The following PPIL6 variants were observed in gnomAD, a reference collection of about 807,000 sequenced individuals.
PPIL6 encodes peptidylprolyl isomerase like 6, also known as probable inactive peptidyl-prolyl cis-trans isomerase-like 6.
In PPIL6, 39 loss-of-function variants were observed where a neutral mutation model predicts 36.8. The ratio of observed to expected loss-of-function variants is 1.06; its 90% confidence interval spans 0.82 to 1.38. The LOEUF (loss-of-function observed/expected upper bound fraction) is 1.38. Ranked by LOEUF, PPIL6 falls within the 40% of genes most tolerant of loss-of-function variation. The pLI, the probability that PPIL6 is intolerant of heterozygous loss-of-function variation, is 0.00. For synonymous variants in PPIL6, 123 were observed against 134.1 expected (o/e 0.92, Z 0.57); for missense variants, 368 against 379.1 (o/e 0.97, Z 0.24).
chr6:109,428,659 T>C (rs1473595529), intron 3 of PPIL6, among the ~76,000 whole-genome samples: 1 of 152,126 alleles, frequency 6.6e-6, no homozygotes, highest in African/African-American at 2.4e-5. Context: ...ATATTTTTTA[T>C]GTCACTCTAA....
chr6:109,436,283 C>T, intron 1 of PPIL6, 84 bp from the exon 2 acceptor site: 1 of 822,922 alleles, frequency 1.2e-6, no homozygotes, highest in Middle Eastern at 3.2e-4. Context: ...ACGGGGTTTC[C>T]AGAAGTTTTA....
chr6:109,393,111 C>A (rs1772157152), intron 7 of PPIL6, among the ~76,000 whole-genome samples, 174 bp from the exon 8 acceptor site: 1 of 152,182 alleles, frequency 6.6e-6, no homozygotes, highest in African/African-American at 2.4e-5. Flanking sequence ...ACCACACCTG[C>A]AGTATCCAGG....
chr6:109,403,970 GT>G (rs1230864046), intron 6 of PPIL6, among the ~76,000 whole-genome samples: 1 of 152,194 alleles, frequency 6.6e-6, no homozygotes, highest in African/African-American at 2.4e-5. Flanking sequence ...AGGACTAGCT[GT>G]GCTCTCGCTT....
In PPIL6 at chr6:109,431,169, T is replaced by G. The variant is rs773782298; in HGVS notation, c.408A>C (p.Leu136Phe). ...ALTEDFSAKF[L>F]RDTKHDFVFL... Reference sequence around the variant, plus strand: ...TAGTATAACTTGCCTTGGTGTCTCTTAAGAACTTAGCGGAAAAATCCTCAG... The same window carrying G: ...TAGTATAACTTGCCTTGGTGTCTCTGAAGAACTTAGCGGAAAAATCCTCAG... Residue 136 changes from leucine (L) to phenylalanine (F), a missense_variant, in exon 3 of 8, where the codon TTA (leucine) becomes TTC (phenylalanine). By Grantham distance (22) the Leu-to-Phe change is conservative. Transcript: ENST00000521072. 1 of 1,608,992 alleles carries G rather than the reference T, an allele frequency of 6.2e-7. No individual in the cohort carries two copies. The highest frequency in any genetic ancestry group is 1.7e-5 in the Admixed American group (1 of 59,590).
chr6:109,407,208 GTT>G (rs544386025), intron 6 of PPIL6, among the ~76,000 whole-genome samples: 11 of 151,322 alleles, frequency 7.3e-5, no homozygotes, highest in African/African-American at 2.4e-4. Flanking sequence ...TACTTCTTGA[GTT>G]TAAAGTCATG....
chr6:109,430,714 C>T (rs964793332), intron 3 of PPIL6, among the ~76,000 whole-genome samples: 2 of 152,158 alleles, frequency 1.3e-5, no homozygotes, highest in Non-Finnish European at 2.9e-5. Context: ...CATGAGCCAC[C>T]GCGCCCGGCC....
intron 1 of PPIL6, among the ~76,000 whole-genome samples, chr6:109,436,476 G>A (rs1041949936): frequency 3.3e-5 from 5 of 152,198 alleles, no homozygotes; most frequent in African/African-American, 9.6e-5. Context: ...TCAGCACTTT[G>A]GGAGGCTGAG....
chr6:109,403,898 G>A (rs1772667934), intron 6 of PPIL6, among the ~76,000 whole-genome samples: 1 of 152,166 alleles, frequency 6.6e-6, no homozygotes, highest in Non-Finnish European at 1.5e-5. Context: ...GCTGGCTGCT[G>A]CATTCACATT....
chr6:109,400,761 G>A (rs1201944904), intron 6 of PPIL6, among the ~76,000 whole-genome samples: 1 of 152,076 alleles, frequency 6.6e-6, no homozygotes, highest in Admixed American at 6.6e-5. Flanking sequence ...TAAATGTTTG[G>A]GCAGATTTCC....
chr6:109,433,389 ATGTC>A (rs1461399901), intron 2 of PPIL6, among the ~76,000 whole-genome samples: 1 of 152,214 alleles, frequency 6.6e-6, no homozygotes, highest in East Asian at 1.9e-4. Flanking sequence ...GGAGAAAAAA[ATGTC>A]ACTGTGGATA....
chr6:109,408,961 A>G (rs952119625), intron 6 of PPIL6, among the ~76,000 whole-genome samples: 6 of 152,226 alleles, frequency 3.9e-5, no homozygotes, highest in African/African-American at 1.4e-4. Context: ...TACTGATGCA[A>G]AAGTCCTCAA....
intron 6 of PPIL6, among the ~76,000 whole-genome samples, 174 bp from the exon 7 acceptor site, chr6:109,400,344 G>A (rs757058894): frequency 1.3e-5 from 2 of 152,156 alleles, no homozygotes; most frequent in Non-Finnish European, 2.9e-5. Context: ...CAAATGGGCT[G>A]TTTAAAAAAA....
intron 7 of PPIL6, among the ~76,000 whole-genome samples, chr6:109,397,984 T>C (rs1273666330): frequency 3.9e-5 from 6 of 151,940 alleles, no homozygotes; most frequent in African/African-American, 1.5e-4. Context: ...CTCCCCCTGC[T>C]GGGTTCAAGC....
intron 5 of PPIL6, among the ~76,000 whole-genome samples, chr6:109,425,437 T>C (rs1485329352): frequency 2.6e-5 from 4 of 151,990 alleles, no homozygotes; most frequent in African/African-American, 9.7e-5. Flanking sequence ...AAAACAAAAA[T>C]AAAACGAAAC....
At position 109,392,819 on chromosome 6, in the gene PPIL6, A is replaced by G. The variant is rs1219879112; in HGVS notation, c.*7T>C. ...ATAAATTATCACAGAAAATATTGAT[A>G]TGAAAATCAAGCATAAGGATCTCCA... On this transcript the variant is annotated 3_prime_UTR_variant, in exon 8 of 8. Transcript: ENST00000521072. 7.2e-7 allele frequency: 1 copy of G among 1,389,998 alleles called. No homozygotes were observed. The allele number at this position is 1,389,998 out of a possible 1,614,324, so 86.1% of individuals were successfully genotyped here.
At position 109,413,026 on chromosome 6, in the gene PPIL6, T is replaced by C. The variant is rs1337576926; in HGVS notation, c.688+6161A>G. On this transcript the variant is annotated intron_variant, in intron 6 of 7. Coordinates refer to ENST00000521072, the MANE Select transcript of PPIL6 (RefSeq NM_173672.5). This position sits in a 1 kb window ranked among gnomAD's most constrained non-coding sequence, Gnocchi z 4.6. The stretch of plus-strand genomic sequence containing the variant: ...TACAAAAATTAGCCAGGTGTAGTTA[T>C]GTGCGCCTCTAATCCCAGCTATTTG... Among the ~76,000 whole-genome samples the C allele has an allele frequency of 1.3e-5, 2 of 152,006 alleles. No individual in the cohort carries two copies. Among genetic ancestry groups the C allele is most frequent in the Non-Finnish European group, 2.9e-5 (2 of 67,952 alleles).
intron 7 of PPIL6, among the ~76,000 whole-genome samples, chr6:109,396,541 A>G (rs1397888232): frequency 1.3e-4 from 20 of 152,132 alleles, no homozygotes. Context: ...CACTCTTCCT[A>G]AAACTGATTT....
At chr6:109,438,458 A>G (rs2115301551) in intron 1 of PPIL6, among the ~76,000 whole-genome samples, 1 of 152,310 alleles carries the variant, frequency 6.6e-6, no homozygotes, top group South Asian at 2.1e-4. Flanking sequence ...ATATTTGAAT[A>G]TAACTACAGT....
rs1772467503 is a variant in PPIL6 at position 109,400,083 on chromosome 6, A to G, written c.776T>C (p.Ile259Thr). 1 of 1,613,798 alleles carries G rather than the reference A, an allele frequency of 6.2e-7. No individual in the cohort carries two copies. Among genetic ancestry groups the G allele is most frequent in the African/African-American group, 1.3e-5 (1 of 74,948 alleles). ...TAGATAAGGAGTTGCTTGCAGTGTG[A>G]TATAGAATTGTGACCCGTTGCTGTG... ...GRHSNGSQFY[I>T]TLQATPYLDR... The change falls in exon 7 of 8, where the codon ATC (isoleucine) becomes ACC (threonine). Residue 259 changes from isoleucine (I) to threonine (T), a missense_variant. Transcript: ENST00000521072.
Sources: gnomAD v4.1 joint callset for allele counts (sites outside exome capture counted in the v4.1 genomes callset) on GRCh38, gnomAD v4.1.1 for gene constraint, Gnocchi (gnomAD v3.1) non-coding constraint, MANE v1.5 for transcripts, NCBI Gene and HGNC (gene_info 2026-07-23, HGNC 2026-07-21) for gene names.